FUT8: variants seen among roughly 807,000 people sequenced by gnomAD.
The protein encoded by FUT8 is fucosyltransferase 8.
A neutral mutation model predicts 71.3 loss-of-function variants in FUT8; 29 were observed. The observed-to-expected ratio is 0.41, with a 90% CI of 0.30 to 0.55. FUT8 has a LOEUF of 0.55. Ranked by LOEUF, FUT8 falls within the 20% of genes least tolerant of loss-of-function variation. The pLI is 0.34. For missense variants in FUT8, 544 were observed against 702.1 expected (o/e 0.77, Z 2.55); for synonymous variants, 254 against 239.3 (o/e 1.06, Z -0.57).
intron 2 of FUT8, among the ~76,000 whole-genome samples, chr14:65,456,788 G>A (rs888719312): frequency 3.3e-5 from 5 of 151,048 alleles, no homozygotes; most frequent in South Asian, 2.1e-4. Flanking sequence ...TAGGAGAATC[G>A]CTTGAACCCG....
chr14:65,436,147 A>G (rs1371629324), intron 1 of FUT8, among the ~76,000 whole-genome samples: 2 of 151,854 alleles, frequency 1.3e-5, no homozygotes, highest in African/African-American at 2.4e-5. Context: ...CCCAGGCTGT[A>G]AAATATCTTT....
At chr14:65,484,561 T>G (rs1308710447) in intron 2 of FUT8, among the ~76,000 whole-genome samples, 1 of 151,972 alleles carries the variant, frequency 6.6e-6, no homozygotes, top group Non-Finnish European at 1.5e-5. Flanking sequence ...GTAGTCCCAG[T>G]TACTCGGGAG....
At chr14:65,504,845 TGCAGGA>T (rs1199614605) in intron 2 of FUT8, among the ~76,000 whole-genome samples, 3 of 152,130 alleles carry the variant, frequency 2.0e-5, no homozygotes, top group Non-Finnish European at 4.4e-5. Context: ...TGAGCCACTG[TGCAGGA>T]GAATGGCTTG....
chr14:65,711,955 A>T (rs1454289898), intron 7 of FUT8, among the ~76,000 whole-genome samples: 1 of 152,184 alleles, frequency 6.6e-6, no homozygotes, highest in Non-Finnish European at 1.5e-5. Context: ...ATACAGGAAA[A>T]CAATTTGAAG....
intron 6 of FUT8, chr14:65,645,934 T>C (rs1674542169): frequency 6.6e-6 from 1 of 152,202 alleles, no homozygotes; most frequent in South Asian, 2.1e-4. Flanking sequence ...AACTAAATAG[T>C]TCTCAGCTTA....
intron 7 of FUT8, among the ~76,000 whole-genome samples, chr14:65,691,372 C>T (rs1382775580): frequency 6.6e-6 from 1 of 151,114 alleles, no homozygotes; most frequent in East Asian, 1.9e-4. Flanking sequence ...CACCATTATG[C>T]AGTTTGCTAG....
chr14:65,579,496 GT>G (rs1886962978), intron 3 of FUT8, among the ~76,000 whole-genome samples: 1 of 152,104 alleles, frequency 6.6e-6, no homozygotes, highest in South Asian at 2.1e-4. Context: ...ATAATGATAG[GT>G]TAGTGTCTTA....
chr14:65,368,050 CTTTTTT>C, the FUT8 span, among the ~76,000 whole-genome samples: 1 of 85,814 alleles, frequency 1.2e-5, no homozygotes, highest in African/African-American at 3.9e-5. Context: ...GGCAAAATTA[CTTTTTT>C]TTTTTTTTTT....
At chr14:65,595,669 T>C in intron 3 of FUT8, among the ~76,000 whole-genome samples, 1 of 134,964 alleles carries the variant, frequency 7.4e-6, no homozygotes, top group East Asian at 2.5e-4. Context: ...AGTGCAGTGG[T>C]GGGATCTCGG....
At position 65,575,629 on chromosome 14, in the gene FUT8, T is replaced by C. The variant is rs1351781429; in HGVS notation, c.203+13863T>C. ...TTCCTTCCTTCCTTCCTTCCTCTTT[T>C]TTTTTTTCCCCCACACTCTTGCTCT... On this transcript the variant is annotated intron_variant, in intron 3 of 10. Transcript: ENST00000673929. Among the ~76,000 whole-genome samples the C allele has an allele frequency of 2.0e-5, 3 of 148,820 alleles. No homozygotes were observed. In the Admixed American group the frequency reaches 2.0e-4, roughly 10 times the overall value.
chr14:65,400,917 C>A, the FUT8 span, among the ~76,000 whole-genome samples: 1 of 152,132 alleles, frequency 6.6e-6, no homozygotes, highest in South Asian at 2.1e-4. Context: ...TATATGAAGA[C>A]AGTTTTGTAC....
At chr14:65,451,065 C>T (rs1009540431) in intron 1 of FUT8, among the ~76,000 whole-genome samples, 2 of 152,138 alleles carry the variant, frequency 1.3e-5, no homozygotes, top group Non-Finnish European at 2.9e-5. Context: ...GCCGTGTTAG[C>T]CAGGATGGTC....
At chr14:65,739,838 C>G (rs938346404) in intron 10 of FUT8, among the ~76,000 whole-genome samples, 2 of 152,046 alleles carry the variant, frequency 1.3e-5, no homozygotes, top group African/African-American at 4.8e-5. Context: ...TAACCTTGAG[C>G]AATGCCTTAA....
the FUT8 span, among the ~76,000 whole-genome samples, chr14:65,387,374 C>T: frequency 4.5e-4 from 69 of 152,274 alleles, no homozygotes; most frequent in Admixed American, 2.9e-3. Flanking sequence ...TCCATTCCTG[C>T]GTGATTGCCA....
At chr14:65,681,664 A>G (rs1408897775) in intron 7 of FUT8, among the ~76,000 whole-genome samples, 1 of 152,108 alleles carries the variant, frequency 6.6e-6, no homozygotes, top group African/African-American at 2.4e-5. Flanking sequence ...GTCTTTTTGG[A>G]TATCTTTGAT....
chr14:65,666,478 C>T, intron 6 of FUT8, among the ~76,000 whole-genome samples: 1 of 152,256 alleles, frequency 6.6e-6, no homozygotes, highest in East Asian at 1.9e-4. Context: ...CAAGACTGAA[C>T]CGGGAAGAAA....
At chr14:65,538,268 C>T (rs1343594904) in intron 2 of FUT8, among the ~76,000 whole-genome samples, 1 of 152,204 alleles carries the variant, frequency 6.6e-6, no homozygotes, top group Admixed American at 6.5e-5. Context: ...TTCCAGAGGC[C>T]TGTGGCCAGA....
intron 10 of FUT8, among the ~76,000 whole-genome samples, chr14:65,739,567 A>G (rs969883904): frequency 1.3e-5 from 2 of 151,932 alleles, no homozygotes; most frequent in Non-Finnish European, 2.9e-5. Flanking sequence ...ATCACGGTTC[A>G]TTGTCACAGT....
intron 7 of FUT8, among the ~76,000 whole-genome samples, chr14:65,677,160 G>A (rs1183559337): frequency 1.7e-4 from 19 of 114,978 alleles, no homozygotes; most frequent in East Asian, 7.3e-4. Context: ...GTGCGCGCGC[G>A]CATGCGCGCG....
Sources: allele counts gnomAD v4.1 joint callset (sites outside exome capture counted in the v4.1 genomes callset), GRCh38; gene constraint gnomAD v4.1.1; transcripts MANE v1.5; gene names NCBI Gene and HGNC (gene_info 2026-07-23, HGNC 2026-07-21).